The following TMC1 variants were observed in gnomAD, a reference collection of about 807,000 sequenced individuals.
TMC1 encodes the protein transmembrane channel-like protein 1.
In TMC1, 84 loss-of-function variants were observed where a neutral mutation model predicts 105.8. The ratio of observed to expected loss-of-function variants is 0.79; its 90% CI spans 0.67 to 0.95. TMC1 has a LOEUF of 0.95. Among genes scored for constraint, TMC1 ranks in the 40% least tolerant of loss-of-function variants. TMC1 has a pLI of 0.00. For missense variants in TMC1, 817 were observed against 914.1 expected (o/e 0.89, Z 1.37); for synonymous variants, 315 against 311.5 (o/e 1.01, Z -0.12).
intron 5 of TMC1, among the ~76,000 whole-genome samples, chr9:72,686,469 T>C (rs1161152190): frequency 6.6e-6 from 1 of 152,222 alleles, no homozygotes; most frequent in Non-Finnish European, 1.5e-5. Flanking sequence ...AGCATTGCTT[T>C]AAGTTGAAGG....
chr9:72,649,128 A>G (rs533229500), intron 5 of TMC1, among the ~76,000 whole-genome samples: 1 of 152,322 alleles, frequency 6.6e-6, no homozygotes, highest in Non-Finnish European at 1.5e-5. Flanking sequence ...GATAGCAGAG[A>G]AAGGAGACAT....
intron 1 of TMC1, among the ~76,000 whole-genome samples, chr9:72,576,254 G>T (rs1824377846): frequency 6.6e-6 from 1 of 152,184 alleles, no homozygotes; most frequent in African/African-American, 2.4e-5. Context: ...GGCCAAGAGG[G>T]TAAAAATATA....
At chr9:72,775,845 A>G (rs996362197) in intron 13 of TMC1, among the ~76,000 whole-genome samples, 63 of 152,308 alleles carry the variant, frequency 4.1e-4, no homozygotes, top group African/African-American at 1.5e-3. Context: ...AGAGATCACG[A>G]TGGTGAGATA....
At chr9:72,610,157 G>C (rs1825000125) in intron 2 of TMC1, among the ~76,000 whole-genome samples, 1 of 152,096 alleles carries the variant, frequency 6.6e-6, no homozygotes, top group Non-Finnish European at 1.5e-5. Flanking sequence ...TTTTGTATTT[G>C]AGTTGAAGCT....
At chr9:72,641,905 C>A (rs765627254) in intron 4 of TMC1, among the ~76,000 whole-genome samples, 2 of 150,368 alleles carry the variant, frequency 1.3e-5, no homozygotes, top group Non-Finnish European at 3.0e-5. Flanking sequence ...GCACTCTCCA[C>A]CTCCCGGGTT....
At chr9:72,675,662 C>A (rs1267617495) in intron 5 of TMC1, among the ~76,000 whole-genome samples, 2 of 152,070 alleles carry the variant, frequency 1.3e-5, no homozygotes, top group Non-Finnish European at 2.9e-5. Flanking sequence ...AAATTGATTT[C>A]TTTAGACTGA....
At chr9:72,763,886 G>A (rs1036470644) in intron 12 of TMC1, among the ~76,000 whole-genome samples, 9 of 151,980 alleles carry the variant, frequency 5.9e-5, no homozygotes, top group East Asian at 5.8e-4. Context: ...GACTGTAGAC[G>A]GGCAAGATGG....
intron 8 of TMC1, among the ~76,000 whole-genome samples, chr9:72,737,685 TGG>T (rs995159524): frequency 6.6e-6 from 1 of 152,226 alleles, no homozygotes; most frequent in Non-Finnish European, 1.5e-5. Context: ...AAGTGCCTGC[TGG>T]CTGCCACCCT....
chr9:72,619,589 A>G (rs1304826086), intron 3 of TMC1, among the ~76,000 whole-genome samples: 1 of 152,058 alleles, frequency 6.6e-6, no homozygotes, highest in Non-Finnish European at 1.5e-5. Flanking sequence ...TTTATGTTCC[A>G]ATCTTCTACA....
At chr9:72,817,304 T>C (rs1828803452) in intron 19 of TMC1, 1 of 152,174 alleles carries the variant, frequency 6.6e-6, no homozygotes, top group Admixed American at 6.6e-5. Flanking sequence ...TTTAAAAATC[T>C]AATTTTTATT....
intron 1 of TMC1, among the ~76,000 whole-genome samples, chr9:72,560,045 T>C (rs1282594047): frequency 6.6e-6 from 1 of 152,190 alleles, no homozygotes; most frequent in Admixed American, 6.5e-5. Context: ...ATCTCCTTGA[T>C]TACAAGGAAA....
chr9:72,743,712 T>TAGGAAGGAAGGA (rs144187332), intron 10 of TMC1, among the ~76,000 whole-genome samples: 1 of 151,366 alleles, frequency 6.6e-6, no homozygotes, highest in African/African-American at 2.4e-5. Flanking sequence ...AGAATATTCA[T>TAGGAAGGAAGGA]AGGAAGGAAG....
intron 5 of TMC1, among the ~76,000 whole-genome samples, chr9:72,666,685 C>G (rs1049706682): frequency 1.3e-5 from 2 of 152,092 alleles, no homozygotes; most frequent in African/African-American, 4.8e-5. Flanking sequence ...CAACAAAGCC[C>G]CTGCCTTCCC....
chr9:72,658,153 C>G (rs969241955), intron 5 of TMC1, among the ~76,000 whole-genome samples: 4 of 152,008 alleles, frequency 2.6e-5, no homozygotes, highest in Non-Finnish European at 4.4e-5. Context: ...GTAATAGACA[C>G]TCCTTGAGAA....
intron 18 of TMC1, among the ~76,000 whole-genome samples, chr9:72,811,779 TAA>T (rs1169377384): frequency 6.6e-6 from 1 of 152,156 alleles, no homozygotes. Context: ...GGATTATCCA[TAA>T]ATAAGAGGCA....
intron 17 of TMC1, among the ~76,000 whole-genome samples, chr9:72,798,152 C>A (rs1018555898): frequency 2.0e-5 from 3 of 152,070 alleles, no homozygotes; most frequent in Non-Finnish European, 4.4e-5. Context: ...AAATGCAAAT[C>A]AAAACCACAA....
At chr9:72,646,608 G>A (rs1825714449) in intron 4 of TMC1, among the ~76,000 whole-genome samples, 1 of 151,430 alleles carries the variant, frequency 6.6e-6, no homozygotes, top group Non-Finnish European at 1.5e-5. Flanking sequence ...TGGGTTATGG[G>A]CCATTTTATT....
intron 2 of TMC1, among the ~76,000 whole-genome samples, chr9:72,597,120 G>A (rs1824733855): frequency 6.6e-6 from 1 of 152,238 alleles, no homozygotes; most frequent in Non-Finnish European, 1.5e-5. Context: ...TAGATGAGGA[G>A]ATAGGAAATT....
intron 2 of TMC1, among the ~76,000 whole-genome samples, chr9:72,615,388 C>T (rs1825109771): frequency 6.6e-6 from 1 of 152,150 alleles, no homozygotes; most frequent in African/African-American, 2.4e-5. Flanking sequence ...CTATTTTCAA[C>T]CACTCTCTGA....
Sources: gnomAD v4.1 joint callset for allele counts (sites outside exome capture counted in the v4.1 genomes callset) on GRCh38, gnomAD v4.1.1 for gene constraint, MANE v1.5 for transcripts, NCBI Gene and HGNC (gene_info 2026-07-23, HGNC 2026-07-21) for gene names.